The following MAGI1 variants were observed in gnomAD, a reference collection of about 807,000 sequenced individuals.
The protein encoded by MAGI1 is membrane associated guanylate kinase, WW and PDZ domain containing 1.
In MAGI1, 58 loss-of-function variants were observed where a neutral mutation model predicts 139.9. The ratio of observed to expected loss-of-function variants is 0.41; its 90% CI spans 0.34 to 0.52. The LOEUF (loss-of-function observed/expected upper bound fraction) is 0.52, where lower values mean the gene tolerates loss of function less well. Among genes scored for constraint, MAGI1 ranks in the 20% least tolerant of loss-of-function variants. The probability of loss-of-function intolerance (pLI) is 0.12; values close to 1 mark genes in which losing one functional copy is unlikely to be tolerated. For missense variants in MAGI1, 1,874 were observed against 1,901.6 expected, an observed-to-expected ratio of 0.99 and a Z score of 0.27; for synonymous variants, 812 against 737.9, an observed-to-expected ratio of 1.10 and a Z score of -1.63.
intron 2 of MAGI1, among the ~76,000 whole-genome samples, chr3:65,599,401 T>A (rs2082378209): frequency 6.6e-6 from 1 of 152,182 alleles, no homozygotes; most frequent in Admixed American, 6.5e-5. Flanking sequence ...GGCATGTCCA[T>A]CTGAAAAATC....
chr3:65,559,242 T>C (rs1184622300), intron 2 of MAGI1, among the ~76,000 whole-genome samples: 1 of 152,214 alleles, frequency 6.6e-6, no homozygotes, highest in Non-Finnish European at 1.5e-5. Flanking sequence ...TTCATTACAT[T>C]AAATAACATT....
chr3:65,923,625 G>A (rs2062343089), intron 1 of MAGI1, among the ~76,000 whole-genome samples: 1 of 152,118 alleles, frequency 6.6e-6, no homozygotes, highest in Non-Finnish European at 1.5e-5. Flanking sequence ...CCATATCTGA[G>A]GGAGTCTACC....
intron 1 of MAGI1, among the ~76,000 whole-genome samples, chr3:65,926,576 A>C (rs997771131): frequency 1.3e-5 from 2 of 152,222 alleles, no homozygotes; most frequent in African/African-American, 4.8e-5. Flanking sequence ...GCAGTAAAGA[A>C]GCCAGCCAAA....
chr3:65,692,390 T>C (rs1190549294), intron 1 of MAGI1, among the ~76,000 whole-genome samples: 2 of 152,170 alleles, frequency 1.3e-5, no homozygotes, highest in Non-Finnish European at 2.9e-5. Flanking sequence ...GAGCCTCCCC[T>C]CATGTTATGG....
intron 1 of MAGI1, among the ~76,000 whole-genome samples, chr3:66,013,999 A>G (rs2067488929): frequency 6.6e-6 from 1 of 152,210 alleles, no homozygotes; most frequent in Non-Finnish European, 1.5e-5. Context: ...TACATAATGT[A>G]TCAGGGCCAT....
intron 1 of MAGI1, among the ~76,000 whole-genome samples, chr3:66,009,694 T>C (rs565173036): frequency 6.6e-6 from 1 of 152,226 alleles, no homozygotes; most frequent in South Asian, 2.1e-4. Flanking sequence ...TAGTAGGTGT[T>C]CAATAAAAAA....
chr3:65,697,050 C>G (rs1279691249), intron 1 of MAGI1, among the ~76,000 whole-genome samples: 1 of 152,136 alleles, frequency 6.6e-6, no homozygotes, highest in Non-Finnish European at 1.5e-5. Context: ...ATATCACCAC[C>G]AATCCCACAG....
chr3:65,737,259 C>A (rs1576947679), intron 1 of MAGI1, among the ~76,000 whole-genome samples: 1 of 152,230 alleles, frequency 6.6e-6, no homozygotes, highest in South Asian at 2.1e-4. Flanking sequence ...CCTGCCTCAG[C>A]CTCCCAAAGT....
At chr3:65,817,927 C>G (rs867503968) in intron 1 of MAGI1, among the ~76,000 whole-genome samples, 1 of 152,140 alleles carries the variant, frequency 6.6e-6, no homozygotes, top group Non-Finnish European at 1.5e-5. Context: ...TGGCTTAAAA[C>G]AGTCAATTCC....
intron 2 of MAGI1, among the ~76,000 whole-genome samples, chr3:65,507,570 A>G (rs189233496): frequency 6.6e-6 from 1 of 152,326 alleles, no homozygotes; most frequent in East Asian, 1.9e-4. Flanking sequence ...CTAGAAAACT[A>G]AACTACAGCT....
chr3:65,749,275 A>G (rs2035948716), intron 1 of MAGI1, among the ~76,000 whole-genome samples: 1 of 152,210 alleles, frequency 6.6e-6, no homozygotes, highest in African/African-American at 2.4e-5. Flanking sequence ...TACTGTTACC[A>G]TAGCTATCCT....
chr3:65,597,925 T>A, intron 2 of MAGI1: 1 of 394,350 alleles, frequency 2.5e-6, no homozygotes, highest in South Asian at 1.7e-5. Context: ...GAGGCGGGGG[T>A]GGGGGGGGGG....
chr3:66,027,933 C>G (rs2107583723), intron 1 of MAGI1, among the ~76,000 whole-genome samples: 1 of 152,178 alleles, frequency 6.6e-6, no homozygotes, highest in East Asian at 1.9e-4. Flanking sequence ...CAAATGTCCC[C>G]TGGGGAACAA....
chr3:65,406,235 G>C (rs532139013), intron 12 of MAGI1, among the ~76,000 whole-genome samples: 1 of 151,810 alleles, frequency 6.6e-6, no homozygotes, highest in Non-Finnish European at 1.5e-5. Flanking sequence ...AGAAGTAGGA[G>C]AGCTCAGCTG....
intron 9 of MAGI1, 148 bp downstream of exon 9, chr3:65,439,731 C>A: frequency 6.8e-7 from 1 of 1,476,532 alleles, no homozygotes; most frequent in South Asian, 1.3e-5. Flanking sequence ...AGAGGGGGTT[C>A]TCTTCCTCCC....
intron 1 of MAGI1, among the ~76,000 whole-genome samples, chr3:65,942,908 C>G (rs918977300): frequency 1.3e-4 from 20 of 152,096 alleles, no homozygotes; most frequent in Admixed American, 5.9e-4. Context: ...GTAATCCCAT[C>G]TACTCGGGAG....
intron 12 of MAGI1, among the ~76,000 whole-genome samples, chr3:65,413,936 G>A (rs555845559): frequency 3.3e-5 from 5 of 152,258 alleles, no homozygotes; most frequent in African/African-American, 1.2e-4. Flanking sequence ...TTGCATTTAT[G>A]GCAGGGAAGA....
chr3:65,807,999 T>G (rs2040978677), intron 1 of MAGI1, among the ~76,000 whole-genome samples: 1 of 148,780 alleles, frequency 6.7e-6, no homozygotes, highest in Admixed American at 6.7e-5. Flanking sequence ...GCGGATCACT[T>G]GAGGTCAGGA....
At chr3:65,658,426 G>T (rs1036698069) in intron 1 of MAGI1, among the ~76,000 whole-genome samples, 14 of 152,262 alleles carry the variant, frequency 9.2e-5, no homozygotes, top group Non-Finnish European at 1.8e-4. Flanking sequence ...ATGTTTAGTT[G>T]CTCTGTTCTC....
Sources: allele counts gnomAD v4.1 joint callset (sites outside exome capture counted in the v4.1 genomes callset), GRCh38; gene constraint gnomAD v4.1.1; transcripts MANE v1.5; gene names NCBI Gene and HGNC (gene_info 2026-07-23, HGNC 2026-07-21).